The following TMEM196 variants were observed in gnomAD, a reference collection of about 807,000 sequenced individuals.
TMEM196 encodes the protein transmembrane protein 196.
In TMEM196, 17 loss-of-function variants were observed where a neutral mutation model predicts 20.0. That is an observed-to-expected ratio of 0.85 (90% CI 0.58 to 1.27). The LOEUF (loss-of-function observed/expected upper bound fraction) is 1.27. TMEM196 is among the 50% of genes most tolerant of loss of function. TMEM196 has a pLI of 0.00. For synonymous variants in TMEM196, 113 were observed against 88.9 expected (o/e 1.27, Z -1.52); for missense variants, 267 against 223.0 (o/e 1.20, Z -1.26).
chr7:19,750,632 G>A (rs1253458415), intron 1 of TMEM196, among the ~76,000 whole-genome samples: 2 of 152,076 alleles, frequency 1.3e-5, no homozygotes, highest in African/African-American at 2.4e-5. Context: ...TAGGACAACA[G>A]AGATTAAAAT....
intron 2 of TMEM196, among the ~76,000 whole-genome samples, chr7:19,729,015 G>A (rs1256213256): frequency 1.3e-5 from 2 of 152,140 alleles, no homozygotes; most frequent in Non-Finnish European, 2.9e-5. Context: ...ATATTTAAAT[G>A]GTTACATTTC....
At chr7:19,765,671 T>G (rs1027754778) in intron 1 of TMEM196, among the ~76,000 whole-genome samples, 23 of 152,250 alleles carry the variant, frequency 1.5e-4, no homozygotes, top group African/African-American at 4.6e-4. Flanking sequence ...CCAAGTAGCT[T>G]TATGATAGAG....
rs777363408 is a variant in TMEM196, at chr7:19,725,495, G to A, written c.459+19C>T. Reference sequence around the variant, plus strand: ...CTTCATCATGTGCTAGCAGTGAGAGGAAAAGGTACAAAACTCACTTTCTCA... The same window carrying A: ...CTTCATCATGTGCTAGCAGTGAGAGAAAAAGGTACAAAACTCACTTTCTCA... On this transcript the variant is annotated intron_variant, in intron 3 of 4. Coordinates refer to ENST00000405844, the MANE Select transcript of TMEM196 (RefSeq NM_001363562.2). The A allele has an allele frequency of 1.2e-5, 19 of 1,592,894 alleles. No homozygotes were observed. In the South Asian group the frequency reaches 2.0e-4, roughly 17 times the overall value.
At chr7:19,722,494 A>T (rs1246434786) in intron 4 of TMEM196, among the ~76,000 whole-genome samples, 1 of 152,162 alleles carries the variant, frequency 6.6e-6, no homozygotes, top group Non-Finnish European at 1.5e-5. Flanking sequence ...TCTGCTGAGC[A>T]TGTCAACAAA....
chr7:19,740,978 A>T (rs2128023413), intron 1 of TMEM196, among the ~76,000 whole-genome samples: 1 of 152,278 alleles, frequency 6.6e-6, no homozygotes, highest in South Asian at 2.1e-4. Context: ...TCAATAACTA[A>T]CATATTTCAT....
At chr7:19,769,875 C>T (rs1049654662) in intron 1 of TMEM196, among the ~76,000 whole-genome samples, 10 of 152,180 alleles carry the variant, frequency 6.6e-5, no homozygotes, top group African/African-American at 2.4e-4. Flanking sequence ...GGGACATCAG[C>T]ATCCTCAGAT....
intron 1 of TMEM196, among the ~76,000 whole-genome samples, chr7:19,748,428 C>T (rs1448811849): frequency 6.6e-6 from 1 of 152,164 alleles, no homozygotes; most frequent in Non-Finnish European, 1.5e-5. Context: ...TCTCTATACA[C>T]ACAACCAGTC....
At position 19,722,074 on chromosome 7, in the gene TMEM196, A is replaced by T. The variant is rs373889061; in HGVS notation, c.*54T>A. On this transcript the variant is annotated 3_prime_UTR_variant, in exon 5 of 5. Coordinates refer to ENST00000405844, the MANE Select transcript of TMEM196 (RefSeq NM_001363562.2). ...AAGTGTTCAATTCTTTAAAACATTGATTACACTCTTCCATTAAATATCAGC... is the reference window on the plus strand; with the variant it reads ...AAGTGTTCAATTCTTTAAAACATTGTTTACACTCTTCCATTAAATATCAGC... The T allele has an allele frequency of 6.2e-7, 1 of 1,609,300 alleles. No individual in the cohort carries two copies.
rs1248011189 is a variant in TMEM196, at chr7:19,720,344, T to G, written c.*1784A>C. On this transcript the variant is annotated 3_prime_UTR_variant, in exon 5 of 5. Transcript: ENST00000405844. ...TAAATAGGTTAAACGATGATCATGT[T>G]GCTATAAAAGACCTTCAAATTTTCA... 6.6e-6 allele frequency: 1 copy of G among 152,036 alleles called. No homozygotes were observed. The highest frequency in any genetic ancestry group is 1.5e-5 in the Non-Finnish European group (1 of 67,890). 9.4% of individuals were successfully genotyped at this position (152,036 alleles called of 1,614,324 possible).
In TMEM196 at chr7:19,720,295, G is replaced by A. The variant is rs1783771766; in HGVS notation, c.*1833C>T. 1 of 152,004 alleles carries A rather than the reference G, an allele frequency of 6.6e-6. No individual in the cohort carries two copies. Among genetic ancestry groups the A allele is most frequent in the Admixed American group, 6.6e-5 (1 of 15,264 alleles). The allele number at this position is 152,004 out of a possible 1,614,324, so 9.4% of individuals were successfully genotyped here. Reference sequence around the variant, plus strand: ...AGTTATTTCTGTTGAATAGATGACAGCCAGAATTTTAAGTGAGCTGATTTA... The same window carrying A: ...AGTTATTTCTGTTGAATAGATGACAACCAGAATTTTAAGTGAGCTGATTTA... On this transcript the variant is annotated 3_prime_UTR_variant, in exon 5 of 5. Transcript: ENST00000405844.
chr7:19,768,916 G>A (rs1785747257), intron 1 of TMEM196, among the ~76,000 whole-genome samples: 1 of 151,982 alleles, frequency 6.6e-6, no homozygotes, highest in African/African-American at 2.4e-5. Context: ...CATCTTTCAG[G>A]TTTTTGTATT....
intron 1 of TMEM196, among the ~76,000 whole-genome samples, chr7:19,733,503 G>A (rs1376263801): frequency 6.6e-6 from 1 of 152,130 alleles, no homozygotes; most frequent in Non-Finnish European, 1.5e-5. Flanking sequence ...TGTTTGTGTT[G>A]AGGGAGGTGT....
chr7:19,756,563 CTA>C (rs1419740841), intron 1 of TMEM196, among the ~76,000 whole-genome samples: 5 of 151,922 alleles, frequency 3.3e-5, no homozygotes, highest in Non-Finnish European at 5.9e-5. Flanking sequence ...TTGTTCCCGT[CTA>C]TGAGTCCATA....
At chr7:19,723,716 T>TGAA (rs1312566164) in intron 4 of TMEM196, among the ~76,000 whole-genome samples, 1 of 152,198 alleles carries the variant, frequency 6.6e-6, no homozygotes, top group African/African-American at 2.4e-5. Context: ...TGTGACTTTC[T>TGAA]GTCTGTCCAA....
At chr7:19,722,881 A>C (rs1264840579) in intron 4 of TMEM196, among the ~76,000 whole-genome samples, 1 of 152,126 alleles carries the variant, frequency 6.6e-6, no homozygotes, top group Admixed American at 6.6e-5. Flanking sequence ...AACCCTTCCC[A>C]ACACAATAAA....
At chr7:19,747,280 T>C (rs201043146) in intron 1 of TMEM196, among the ~76,000 whole-genome samples, 1 of 145,186 alleles carries the variant, frequency 6.9e-6, no homozygotes, top group Non-Finnish European at 1.5e-5. Flanking sequence ...TAAAATAAAA[T>C]AAAAATAAAA....
Position 19,772,748 on chromosome 7 carries a change from C to A in TMEM196, c.-52G>T. 1 of 1,418,670 alleles carries A rather than the reference C, an allele frequency of 7.0e-7. No homozygotes were observed. Among genetic ancestry groups the A allele is most frequent in the Non-Finnish European group, 9.3e-7 (1 of 1,071,486 alleles). 87.9% of individuals were successfully genotyped at this position (1,418,670 alleles called of 1,614,324 possible). ...TCAGAGAGGGAAATCAACCATCTAC[C>A]TTTTTTTCTTCCACTATCCTCCTTA... On this transcript the variant is annotated 5_prime_UTR_variant, in exon 1 of 5. The change creates a new upstream start codon in the 5' untranslated region. Transcript: ENST00000405844.
chr7:19,749,359 A>G (rs772922550), intron 1 of TMEM196, among the ~76,000 whole-genome samples: 3 of 152,206 alleles, frequency 2.0e-5, no homozygotes, highest in Non-Finnish European at 4.4e-5. Flanking sequence ...TAAGTCACAG[A>G]TTCCCCAAAA....
intron 4 of TMEM196, 100 bp downstream of exon 4, chr7:19,724,180 C>T: frequency 1.9e-6 from 2 of 1,034,424 alleles, no homozygotes; most frequent in East Asian, 5.2e-5. Flanking sequence ...CATTAAACAA[C>T]ATCAGTTCAG....
Sources: allele counts gnomAD v4.1 joint callset (sites outside exome capture counted in the v4.1 genomes callset), GRCh38; gene constraint gnomAD v4.1.1; transcripts MANE v1.5; gene names NCBI Gene and HGNC (gene_info 2026-07-23, HGNC 2026-07-21).